The following DOCK4 variants were observed in gnomAD, a reference collection of about 807,000 sequenced individuals.
DOCK4 encodes dedicator of cytokinesis protein 4.
A neutral mutation model predicts 268.1 loss-of-function variants in DOCK4; 97 were observed. The ratio of observed to expected loss-of-function variants is 0.36; its 90% CI spans 0.31 to 0.43. The LOEUF is 0.43. Ranked by LOEUF, DOCK4 falls within the 20% of genes least tolerant of loss-of-function variation. The probability of loss-of-function intolerance (pLI) is 1.00; values close to 1 mark genes in which losing one functional copy is unlikely to be tolerated. For synonymous variants in DOCK4, 954 were observed against 887.2 expected (o/e 1.08, Z -1.34); for missense variants, 2,145 against 2,455.7 (o/e 0.87, Z 2.67).
intron 17 of DOCK4, among the ~76,000 whole-genome samples, chr7:111,873,279 C>G (rs951804834): frequency 2.0e-5 from 3 of 152,188 alleles, no homozygotes; most frequent in Non-Finnish European, 4.4e-5. Flanking sequence ...AACCTCTTCA[C>G]CTGGGGAGGG....
intron 1 of DOCK4, among the ~76,000 whole-genome samples, chr7:112,055,821 T>C (rs555408289): frequency 6.6e-6 from 1 of 151,632 alleles, no homozygotes; most frequent in Admixed American, 6.6e-5. Context: ...GGCAGGAGAA[T>C]TGCTTGAACC....
chr7:111,954,853 C>G (rs1796335954), intron 8 of DOCK4, among the ~76,000 whole-genome samples: 1 of 152,126 alleles, frequency 6.6e-6, no homozygotes, highest in African/African-American at 2.4e-5. Context: ...CGAACCGATA[C>G]AAAGAGCCTC....
At chr7:111,961,048 G>A (rs546748950) in intron 8 of DOCK4, among the ~76,000 whole-genome samples, 1 of 152,158 alleles carries the variant, frequency 6.6e-6, no homozygotes, top group East Asian at 1.9e-4. Flanking sequence ...ATGCACGGGG[G>A]TTGGATTGCT....
intron 1 of DOCK4, among the ~76,000 whole-genome samples, chr7:112,043,060 G>C (rs1804532471): frequency 6.6e-6 from 1 of 152,118 alleles, no homozygotes; most frequent in Non-Finnish European, 1.5e-5. Context: ...CCAGCCTCCA[G>C]AATTGCAAGC....
intron 26 of DOCK4, among the ~76,000 whole-genome samples, chr7:111,830,673 A>G (rs1802750365): frequency 6.6e-6 from 1 of 152,160 alleles, no homozygotes; most frequent in South Asian, 2.1e-4. Flanking sequence ...AGCTGTAATC[A>G]TGAATATATT....
intron 30 of DOCK4, among the ~76,000 whole-genome samples, chr7:111,794,003 T>C (rs902786185): frequency 6.6e-6 from 1 of 152,110 alleles, no homozygotes; most frequent in African/African-American, 2.4e-5. Flanking sequence ...AGTTCAGCTG[T>C]CAGTGGTGGT....
chr7:111,936,210 C>A (rs1345733599), intron 11 of DOCK4, among the ~76,000 whole-genome samples: 1 of 152,316 alleles, frequency 6.6e-6, no homozygotes, highest in Admixed American at 6.5e-5. Context: ...ATTAACACAG[C>A]TTGTACTGGC....
intron 1 of DOCK4, among the ~76,000 whole-genome samples, chr7:112,176,739 T>A (rs1818550178): frequency 6.6e-6 from 1 of 152,210 alleles, no homozygotes; most frequent in African/African-American, 2.4e-5. Flanking sequence ...GTCTCTTGAG[T>A]GCCTGTTTCT....
chr7:111,945,596 G>A (rs1200088123), intron 9 of DOCK4, 121 bp downstream of exon 9: 2 of 786,148 alleles, frequency 2.5e-6, no homozygotes, highest in Non-Finnish European at 4.1e-6. Context: ...TAATTTGTGT[G>A]TTATTTACAT....
rs528835868 is a variant in DOCK4, at chr7:111,999,371, C to T, written c.163-868G>A. On this transcript the variant is annotated intron_variant, in intron 3 of 52. Coordinates refer to ENST00000428084, the MANE Select transcript of DOCK4 (RefSeq NM_001363540.2). ...AATATATATATGTAGATTTTTAAAACGCACTTGTTTTCTTCAATATGGTAG... is the reference window on the plus strand; with the variant it reads ...AATATATATATGTAGATTTTTAAAATGCACTTGTTTTCTTCAATATGGTAG... 5.9e-5 allele frequency among the ~76,000 whole-genome samples: 9 copies of T among 151,972 alleles called. No homozygotes were observed. The East Asian group carries it at 1.2e-3, about 20-fold the overall frequency.
intron 24 of DOCK4, among the ~76,000 whole-genome samples, chr7:111,845,688 T>C (rs1804042374): frequency 6.6e-6 from 1 of 152,182 alleles, no homozygotes; most frequent in Admixed American, 6.5e-5. Context: ...TGATAAATTT[T>C]CTTACACTTG....
intron 1 of DOCK4, among the ~76,000 whole-genome samples, chr7:112,009,486 C>T (rs17159143): frequency 0.045 from 6,822 of 152,236 alleles, 344 homozygotes; most frequent in East Asian, 0.25. Context: ...TATATCAGTG[C>T]TTGTAAAATA....
Position 111,803,424 on chromosome 7 carries a change from G to C in DOCK4, c.3166+5397C>G, listed in dbSNP as rs56189387. Among the ~76,000 whole-genome samples the C allele has an allele frequency of 2.4e-3, 361 of 152,230 alleles. 3 individuals carry two copies. Among genetic ancestry groups the C allele is most frequent in the African/African-American group, 8.2e-3 (342 of 41,550 alleles). On this transcript the variant is annotated intron_variant, in intron 30 of 52. Coordinates refer to ENST00000428084, the MANE Select transcript of DOCK4 (RefSeq NM_001363540.2). ...CTCTACCTCTAATTGTTGGCCACAT[G>C]GTCTTATTTTGAAGTATTTAGGGCA...
chr7:111,979,791 C>CA (rs1342630742), intron 7 of DOCK4, among the ~76,000 whole-genome samples: 10 of 152,296 alleles, frequency 6.6e-5, no homozygotes, highest in Admixed American at 1.3e-4. Context: ...TCATGACATT[C>CA]ACAAGAATTG....
At position 112,032,258 on chromosome 7, in the gene DOCK4, T is replaced by C. The variant is rs539607698; in HGVS notation, c.38-28127A>G. Among the ~76,000 whole-genome samples, 13 of 152,304 alleles carry C rather than the reference T, an allele frequency of 8.5e-5. No individual in the cohort carries two copies. In the South Asian group the frequency reaches 1.2e-3, roughly 15 times the overall value. On this transcript the variant is annotated intron_variant, in intron 1 of 52. Coordinates refer to ENST00000428084, the MANE Select transcript of DOCK4 (RefSeq NM_001363540.2). ...TAGGAAGAGAATAAACAAAAATATC[T>C]AGTCAAACACAGAAACTAAAAAAGT... is the stretch of plus-strand genomic sequence containing the variant.
chr7:111,803,628 C>T (rs773617671), intron 30 of DOCK4, among the ~76,000 whole-genome samples: 19 of 152,048 alleles, frequency 1.2e-4, no homozygotes, highest in Non-Finnish European at 2.1e-4. Context: ...AAAAACTTAA[C>T]CTTGAAGAAA....
chr7:111,853,291 T>C (rs1230154846), intron 23 of DOCK4, among the ~76,000 whole-genome samples: 1 of 152,140 alleles, frequency 6.6e-6, no homozygotes, highest in Non-Finnish European at 1.5e-5. Context: ...GGTTGGCCGT[T>C]ACATTCCACA....
intron 22 of DOCK4, among the ~76,000 whole-genome samples, chr7:111,866,658 C>G (rs1805998715): frequency 6.6e-6 from 1 of 152,034 alleles, no homozygotes; most frequent in South Asian, 2.1e-4. Flanking sequence ...CCTCCAGGAT[C>G]CAGTGGTACA....
intron 1 of DOCK4, among the ~76,000 whole-genome samples, chr7:112,180,565 G>C (rs967912547): frequency 6.6e-6 from 1 of 152,196 alleles, no homozygotes; most frequent in Non-Finnish European, 1.5e-5. Flanking sequence ...TCACCTCAGA[G>C]AAGGGTGCCC....
Sources: gnomAD v4.1 joint callset for allele counts (sites outside exome capture counted in the v4.1 genomes callset) on GRCh38, gnomAD v4.1.1 for gene constraint, MANE v1.5 for transcripts, NCBI Gene and HGNC (gene_info 2026-07-23, HGNC 2026-07-21) for gene names.